The following ARL6IP6 variants were observed in gnomAD, a reference collection of about 807,000 sequenced individuals.
ARL6IP6 encodes ADP-ribosylation factor-like protein 6-interacting protein 6.
Under a neutral mutation model 21.5 loss-of-function variants are expected in ARL6IP6, and 22 were observed. The ratio of observed to expected loss-of-function variants is 1.02; its 90% CI spans 0.73 to 1.46. The LOEUF (loss-of-function observed/expected upper bound fraction) is 1.46. Among genes scored for constraint, ARL6IP6 ranks in the 40% most tolerant of loss-of-function variants. The pLI is 0.00. For synonymous variants in ARL6IP6, 164 were observed against 125.3 expected (o/e 1.31, Z -2.06); for missense variants, 388 against 299.8 (o/e 1.29, Z -2.17).
intron 3 of ARL6IP6, among the ~76,000 whole-genome samples, chr2:152,742,776 A>G (rs1261401545): frequency 6.6e-6 from 1 of 152,058 alleles, no homozygotes; most frequent in East Asian, 1.9e-4. Flanking sequence ...ATTAAACATT[A>G]TGGGGGAACT....
At chr2:152,742,566 T>A (rs1268523951) in intron 3 of ARL6IP6, among the ~76,000 whole-genome samples, 1 of 119,102 alleles carries the variant, frequency 8.4e-6, no homozygotes, top group South Asian at 2.8e-4. Context: ...CAAGATACGC[T>A]CTTTAAAAAA....
intron 2 of ARL6IP6, among the ~76,000 whole-genome samples, chr2:152,722,386 A>G (rs2346549): frequency 0.68 from 102,821 of 152,062 alleles, 35,002 homozygotes; most frequent in East Asian, 0.72. Context: ...ATTATTTTGA[A>G]CCAATGGTCA....
intron 2 of ARL6IP6, among the ~76,000 whole-genome samples, chr2:152,731,423 T>TGG (rs1700304585): frequency 2.0e-5 from 3 of 152,194 alleles, no homozygotes; most frequent in African/African-American, 7.2e-5. Flanking sequence ...TGGTGGATAA[T>TGG]TTGTATAGTC....
chr2:152,719,493 A>G (rs1439289305), intron 1 of ARL6IP6, among the ~76,000 whole-genome samples: 2 of 152,224 alleles, frequency 1.3e-5, no homozygotes, highest in Non-Finnish European at 2.9e-5. Context: ...TTCTTCTTTT[A>G]TAGGTAAAAT....
chr2:152,734,204 T>C (rs377543193), intron 2 of ARL6IP6, among the ~76,000 whole-genome samples: 4 of 152,206 alleles, frequency 2.6e-5, no homozygotes, highest in Admixed American at 2.0e-4. Context: ...CATTATAATA[T>C]TGTTCTTTTG....
chr2:152,718,275 G>A, upstream of ARL6IP6: 1 of 270,770 alleles, frequency 3.7e-6, no homozygotes, highest in Non-Finnish European at 6.3e-6. Flanking sequence ...CTGTCGGGGC[G>A]CGCGCTCCCG....
intron 2 of ARL6IP6, among the ~76,000 whole-genome samples, chr2:152,721,960 G>A (rs141837232): frequency 1.3e-4 from 20 of 152,254 alleles, no homozygotes; most frequent in African/African-American, 4.8e-4. Context: ...CTAGAAATAA[G>A]CCAAGATTAT....
In ARL6IP6 at chr2:152,760,697, T is replaced by G. The variant is rs2105203217; in HGVS notation, c.*857T>G. The G allele has an allele frequency of 6.6e-6, 1 of 152,164 alleles. No homozygotes were observed. The highest frequency in any genetic ancestry group is 1.5e-5 in the Non-Finnish European group (1 of 67,954). 9.4% of individuals were successfully genotyped at this position (152,164 alleles called of 1,614,324 possible). ...GTTTCCACAATTCCAAATATTTATCTTGGTGTATATATTGTTACTTTAACA... is the reference window on the plus strand; with the variant it reads ...GTTTCCACAATTCCAAATATTTATCGTGGTGTATATATTGTTACTTTAACA... On this transcript the variant is annotated 3_prime_UTR_variant, in exon 4 of 4. Transcript: ENST00000326446.
At chr2:152,754,035 T>C (rs1179831773) in intron 3 of ARL6IP6, among the ~76,000 whole-genome samples, 1 of 151,454 alleles carries the variant, frequency 6.6e-6, no homozygotes, top group Non-Finnish European at 1.5e-5. Context: ...TAAAGTGTTT[T>C]TTTGTTTTTT....
At chr2:152,718,609 C>G, upstream of ARL6IP6, 2 of 1,504,348 alleles carry the variant, frequency 1.3e-6, no homozygotes, top group Non-Finnish European at 1.8e-6. Flanking sequence ...CCGCGGGTTT[C>G]GTTGTGTTTC....
intron 2 of ARL6IP6, among the ~76,000 whole-genome samples, chr2:152,725,473 T>G (rs888238876): frequency 6.6e-6 from 1 of 152,134 alleles, no homozygotes; most frequent in Admixed American, 6.5e-5. Flanking sequence ...CAAAGGTGAT[T>G]TGGAAAAAAA....
At chr2:152,727,471 A>C (rs934919437) in intron 2 of ARL6IP6, among the ~76,000 whole-genome samples, 1 of 152,208 alleles carries the variant, frequency 6.6e-6, no homozygotes, top group East Asian at 1.9e-4. Flanking sequence ...TGTTTATAAT[A>C]GTCTATTGTA....
At chr2:152,741,370 T>C (rs1176926579) in intron 3 of ARL6IP6, among the ~76,000 whole-genome samples, 1 of 151,796 alleles carries the variant, frequency 6.6e-6, no homozygotes, top group African/African-American at 2.4e-5. Flanking sequence ...AGTAGTCTTT[T>C]GCTATCTCTG....
At position 152,718,656 on chromosome 2, in the gene ARL6IP6, C is replaced by G. The variant is rs778543539; in HGVS notation, c.32C>G (p.Ala11Gly). ...TTTGCTGAGAGCGGGTGGCGGTCGG[C>G]TCTGCGGCGCCGCGGTCCCGGCACC... MSFAESGWRS[A>G]LRRRGPGTPG... Residue 11 changes from alanine to glycine, a missense_variant, in exon 1 of 4, where the codon GCT becomes GGT. Ala to Gly is a moderately conservative substitution (Grantham distance 60). Transcript: ENST00000326446. The G allele has an allele frequency of 8.3e-6, 13 of 1,563,156 alleles. No homozygotes were observed. The South Asian group carries it at 1.4e-4, about 17-fold the overall frequency.
intron 3 of ARL6IP6, among the ~76,000 whole-genome samples, chr2:152,742,683 G>A (rs1440086598): frequency 1.3e-5 from 2 of 151,398 alleles, no homozygotes; most frequent in Non-Finnish European, 2.9e-5. Context: ...GATACCAGCT[G>A]TGCCTTACAG....
At chr2:152,732,563 A>G in intron 2 of ARL6IP6, 1 of 458,906 alleles carries the variant, frequency 2.2e-6, no homozygotes, top group Non-Finnish European at 4.5e-6. Context: ...ATTTTCCCTT[A>G]TGCTGTAAGT....
intron 3 of ARL6IP6, among the ~76,000 whole-genome samples, chr2:152,745,664 T>C (rs1701011198): frequency 1.3e-5 from 2 of 152,200 alleles, no homozygotes; most frequent in Non-Finnish European, 2.9e-5. Flanking sequence ...GAAACAGATG[T>C]CAGATGGCTA....
At chr2:152,742,422 A>T (rs866219528) in intron 3 of ARL6IP6, among the ~76,000 whole-genome samples, 1 of 152,146 alleles carries the variant, frequency 6.6e-6, no homozygotes, top group East Asian at 1.9e-4. Context: ...TTTAAAAAGT[A>T]TCCAGGTGTG....
chr2:152,753,212 T>A (rs1412282215), intron 3 of ARL6IP6, among the ~76,000 whole-genome samples: 1 of 152,200 alleles, frequency 6.6e-6, no homozygotes. Flanking sequence ...GACAGCTCTT[T>A]TGAAAATAAG....
Sources: gnomAD v4.1 joint callset for allele counts (sites outside exome capture counted in the v4.1 genomes callset) on GRCh38, gnomAD v4.1.1 for gene constraint, MANE v1.5 for transcripts, NCBI Gene and HGNC (gene_info 2026-07-23, HGNC 2026-07-21) for gene names.